Variants in AKAP17A observed in about 807,000 individuals in gnomAD.
AKAP17A encodes A-kinase anchor protein 17A.
AKAP17A carries 15 observed loss-of-function variants against 52.2 expected under a neutral mutation model. The ratio of observed to expected loss-of-function variants is 0.29; its 90% CI spans 0.19 to 0.44. The LOEUF (loss-of-function observed/expected upper bound fraction) is 0.44. AKAP17A is among the 20% of genes least tolerant of loss of function. The pLI, the probability that AKAP17A is intolerant of heterozygous loss-of-function variation, is 1.00. For synonymous variants in AKAP17A, 514 were observed against 424.7 expected (o/e 1.21, Z -2.58); for missense variants, 1,060 against 1,007.0 (o/e 1.05, Z -0.71).
At position 1,602,227 on chromosome X, in the gene AKAP17A, C is replaced by T. The variant is rs1387665001; in HGVS notation, c.*633C>T. 15 of 152,258 alleles carry T rather than the reference C, an allele frequency of 9.9e-5. No homozygotes were observed. The highest frequency in any genetic ancestry group is 3.6e-4 in the African/African-American group (15 of 41,436). 9.4% of individuals were successfully genotyped at this position (152,258 alleles called of 1,614,324 possible). A position where few individuals can be genotyped will look rare whatever the true frequency, so the allele number is the denominator to read the frequency against. ...AAATGGTCTGATGCTCCTTCAAAAA[C>T]ATTCACTTTTTACAACGTCAAGGAA... On this transcript the variant is annotated 3_prime_UTR_variant, in exon 5 of 5. Transcript: ENST00000313871.
At chrX:1,596,976 A>G (rs1365172323) in intron 3 of AKAP17A, among the ~76,000 whole-genome samples, 1 of 150,424 alleles carries the variant, frequency 6.6e-6, no homozygotes, top group African/African-American at 2.4e-5. Context: ...TCCTCTGACG[A>G]CTTTGGTGCG....
At chrX:1,599,697 G>T in intron 4 of AKAP17A, 1 of 641,854 alleles carries the variant, frequency 1.6e-6, no homozygotes, top group Non-Finnish European at 2.8e-6. Flanking sequence ...GCCTCCCGGG[G>T]GCCAGGGCAG....
intron 1 of AKAP17A, among the ~76,000 whole-genome samples, chrX:1,592,517 A>G (rs1932855794): frequency 1.3e-5 from 2 of 151,884 alleles, no homozygotes; most frequent in Non-Finnish European, 2.9e-5. Context: ...CTCTGTCCAG[A>G]CTGGAGCCCC....
intron 3 of AKAP17A, 93 bp downstream of exon 3, chrX:1,595,625 CGT>C (rs1211563410): frequency 2.8e-5 from 43 of 1,559,282 alleles, no homozygotes; most frequent in Admixed American, 1.4e-4. Context: ...TATTCCTGTG[CGT>C]GTGTGTGTGC....
At chrX:1,597,127 G>T (rs1210277134) in intron 3 of AKAP17A, among the ~76,000 whole-genome samples, 1 of 152,232 alleles carries the variant, frequency 6.6e-6, no homozygotes, top group African/African-American at 2.4e-5. Flanking sequence ...TGTGACGCTG[G>T]TGCCAGCGTG....
chrX:1,593,193 C>T (rs1226575551), intron 1 of AKAP17A, among the ~76,000 whole-genome samples: 1 of 152,074 alleles, frequency 6.6e-6, no homozygotes, highest in East Asian at 1.9e-4. Context: ...GCAGTGCTGA[C>T]CGAGGCTTTG....
chrX:1,592,203 T>A (rs1357143310), intron 1 of AKAP17A, among the ~76,000 whole-genome samples: 1 of 148,736 alleles, frequency 6.7e-6, no homozygotes, highest in Non-Finnish European at 1.5e-5. Flanking sequence ...GGGGCGGTGC[T>A]GTGTAGGTTG....
In AKAP17A at chrX:1,600,670, A is replaced by T. The variant is rs1933310925; in HGVS notation, c.1164A>T (p.Leu388=). 1.9e-6 allele frequency: 3 copies of T among 1,540,542 alleles called. No homozygotes were observed. The East Asian group carries it at 7.4e-5, about 38-fold the overall frequency. ...ELLSRAKAVK[L]REQEQKEEKL... is the part of the protein sequence containing the mutation. ...CCTCTTCCCCGCAGGCTGTGAAGCTACGGGAACAGGAGCAGAAGGAGGAGA... is the reference window on the plus strand; with the variant it reads ...CCTCTTCCCCGCAGGCTGTGAAGCTTCGGGAACAGGAGCAGAAGGAGGAGA... Residue 388 remains leucine (L), a synonymous_variant, in exon 5 of 5, where the codon CTA becomes CTT. Coordinates refer to ENST00000313871, the MANE Select transcript of AKAP17A (RefSeq NM_005088.3).
At position 1,601,468 on chromosome X, in the gene AKAP17A, G is replaced by C. The variant is rs778631450; in HGVS notation, c.1962G>C (p.Arg654Ser). 2 of 1,571,798 alleles carry C rather than the reference G, an allele frequency of 1.3e-6. No individual in the cohort carries two copies. The highest frequency in any genetic ancestry group is 1.8e-5 in the Admixed American group (1 of 55,356). ...CCCGGAGGTCCCACAGCAAAGACAG[G>C]CACCGGAGGGAGCGGAGCCGGGAGC... ...TRSRRSHSKDRHRRERSRERR... is the reference protein window; with the variant it reads ...TRSRRSHSKDSHRRERSRERR... Residue 654 changes from arginine (R) to serine (S), a missense_variant, in exon 5 of 5, where the codon AGG (arginine) becomes AGC (serine). Transcript: ENST00000313871.
At chrX:1,592,141 G>A (rs1286809696) in intron 1 of AKAP17A, among the ~76,000 whole-genome samples, 1 of 151,722 alleles carries the variant, frequency 6.6e-6, no homozygotes, top group African/African-American at 2.4e-5. Context: ...CGCTGCGGTC[G>A]CTCCTAGGTC....
Position 1,599,295 on chromosome X carries a change from A to AAGAAGCTGG in AKAP17A, c.1024_1032dup (p.Glu342_Leu344dup), listed in dbSNP as rs1933213354. On this transcript the variant is annotated inframe_insertion, in exon 4 of 5. Coordinates refer to ENST00000313871, the MANE Select transcript of AKAP17A (RefSeq NM_005088.3). ...GGACCGTGAGCTGCGCCGGAATCAG[A>AAGAAGCTGG]AGAAGCTGGAGAAGCTGCAGGCGGA... is the stretch of plus-strand genomic sequence containing the variant. The AAGAAGCTGG allele has an allele frequency of 6.2e-7, 1 of 1,611,242 alleles. No individual in the cohort carries two copies. The highest frequency in any genetic ancestry group is 1.7e-5 in the Admixed American group (1 of 59,520).
At position 1,601,867 on chromosome X, in the gene AKAP17A, G is replaced by T. The variant is rs1392100573; in HGVS notation, c.*273G>T. 32 of 382,944 alleles carry T rather than the reference G, an allele frequency of 8.4e-5. No individual in the cohort carries two copies. The East Asian group carries it at 1.2e-3, about 14-fold the overall frequency. The allele number at this position is 382,944 out of a possible 1,614,324, so 23.7% of individuals were successfully genotyped here. A position where few individuals can be genotyped will look rare whatever the true frequency, so the allele number is the denominator to read the frequency against. On this transcript the variant is annotated 3_prime_UTR_variant, in exon 5 of 5. Coordinates refer to ENST00000313871, the MANE Select transcript of AKAP17A (RefSeq NM_005088.3). ...CTTTAATGCGGCCGGTCCTCTCTCA[G>T]TCAGGAAAATTGCACAGACCGACAG...
At chrX:1,597,152 T>C (rs1206005281) in intron 3 of AKAP17A, among the ~76,000 whole-genome samples, 2 of 152,170 alleles carry the variant, frequency 1.3e-5, no homozygotes, top group African/African-American at 2.4e-5. Context: ...TGTGTGTGGC[T>C]GGTGATGTTT....
chrX:1,598,325 C>T (rs1413768143), intron 3 of AKAP17A, among the ~76,000 whole-genome samples: 3 of 152,182 alleles, frequency 2.0e-5, no homozygotes, highest in Admixed American at 6.5e-5. Context: ...GGTGGCAGAG[C>T]GTGGGATGCC....
chrX:1,599,983 C>G, intron 4 of AKAP17A: 2 of 466,290 alleles, frequency 4.3e-6, no homozygotes, highest in Non-Finnish European at 8.1e-6. Flanking sequence ...CTCCTGCAGG[C>G]GCGACTGGTA....
rs770224569 is a variant in AKAP17A at position 1,601,521 on chromosome X, GCCGCCA to G, written c.2021_2026del (p.His674_Arg675del). ...AGGGGCAGCGCCAGCAGGAAGCACA[GCCGCCA>G]CCGCCGCCGAAGCGAGCGGTCGCGC... On this transcript the variant is annotated inframe_deletion, in exon 5 of 5. Coordinates refer to ENST00000313871, the MANE Select transcript of AKAP17A (RefSeq NM_005088.3). 4 of 1,492,604 alleles carry G rather than the reference GCCGCCA, an allele frequency of 2.7e-6. No homozygotes were observed. The highest frequency in any genetic ancestry group is 1.3e-5 in the South Asian group (1 of 76,676). The allele number at this position is 1,492,604 out of a possible 1,614,324, so 92.5% of individuals were successfully genotyped here.
At chrX:1,595,093 G>A (rs1348022117) in intron 2 of AKAP17A, among the ~76,000 whole-genome samples, 1 of 152,246 alleles carries the variant, frequency 6.6e-6, no homozygotes, top group Non-Finnish European at 1.5e-5. Flanking sequence ...TCGCAGCGGT[G>A]GCGTGTCACT....
At position 1,599,174 on chromosome X, in the gene AKAP17A, C is replaced by T. The variant is rs764016954; in HGVS notation, c.912-18C>T. The T allele has an allele frequency of 1.2e-6, 2 of 1,610,038 alleles. No homozygotes were observed. The highest frequency in any genetic ancestry group is 2.2e-5 in the East Asian group (1 of 44,868). ...GCTGCGGCGCTCTCTGTGACCACCC[C>T]CGGTGTGTTCCACACAGGAAACAAA... On this transcript the variant is annotated intron_variant, in intron 3 of 4. Coordinates refer to ENST00000313871, the MANE Select transcript of AKAP17A (RefSeq NM_005088.3).
In AKAP17A at chrX:1,602,480, A is replaced by G. The variant is rs1933442779; in HGVS notation, c.*886A>G. On this transcript the variant is annotated 3_prime_UTR_variant, in exon 5 of 5. Transcript: ENST00000313871. ...AAAGATGGTGTTTATTCCAGTTTGC[A>G]TTTTTATGGTGAAATAAAATCCTTT... The G allele has an allele frequency of 6.6e-6, 1 of 152,210 alleles. No individual in the cohort carries two copies. The highest frequency in any genetic ancestry group is 1.5e-5 in the Non-Finnish European group (1 of 68,030). The allele number at this position is 152,210 out of a possible 1,614,324, so 9.4% of individuals were successfully genotyped here. A position where few individuals can be genotyped will look rare whatever the true frequency, so the allele number is the denominator to read the frequency against.
Sources: gnomAD v4.1 joint callset for allele counts (sites outside exome capture counted in the v4.1 genomes callset) on GRCh38, gnomAD v4.1.1 for gene constraint, MANE v1.5 for transcripts, NCBI Gene and HGNC (gene_info 2026-07-23, HGNC 2026-07-21) for gene names.